The following ZNF804B variants were observed in gnomAD, a reference collection of about 807,000 sequenced individuals.
ZNF804B encodes zinc finger protein 804B, also known as zinc finger 804B.
In ZNF804B, 80 loss-of-function variants were observed where a neutral mutation model predicts 101.4. The ratio of observed to expected loss-of-function variants is 0.79; its 90% CI spans 0.66 to 0.95. ZNF804B has a LOEUF of 0.95. Ranked by LOEUF, ZNF804B falls within the 40% of genes least tolerant of loss-of-function variation. The pLI, the probability that ZNF804B is intolerant of heterozygous loss-of-function variation, is 0.00. For synonymous variants in ZNF804B, 622 were observed against 558.8 expected, an observed-to-expected ratio of 1.11 and a Z score of -1.59; for missense variants, 1,673 against 1,561.9, an observed-to-expected ratio of 1.07 and a Z score of -1.20.
chr7:88,926,587 G>C (rs1026369995), intron 1 of ZNF804B, among the ~76,000 whole-genome samples: 2 of 152,148 alleles, frequency 1.3e-5, no homozygotes, highest in East Asian at 3.9e-4. Context: ...CAGCCTGGGT[G>C]ACAGAGTGAG....
Position 88,898,073 on chromosome 7 carries a change from CTTTTTTTTTTTTTTTTT to C in ZNF804B, c.108+138004_108+138020del, listed in dbSNP as rs869050718. Among the ~76,000 whole-genome samples, 326 of 56,632 alleles carry C rather than the reference CTTTTTTTTTTTTTTTTT, an allele frequency of 5.8e-3. 4 individuals carry two copies. The highest frequency in any genetic ancestry group is 0.027 in the African/African-American group (322 of 11,908). The allele number at this position is 56,632 out of a possible 152,430, so 37.2% of individuals were successfully genotyped here. ...CCTCCTTCCTATATTACTTCTCCAT[CTTTTTTTTTTTTTTTTT>C]TTTTTTTTTTTTTTGAGATAGAGTC... On this transcript the variant is annotated intron_variant, in intron 1 of 3. Coordinates refer to ENST00000333190, the MANE Select transcript of ZNF804B (RefSeq NM_181646.5).
At chr7:88,995,855 A>C (rs929107827) in intron 1 of ZNF804B, among the ~76,000 whole-genome samples, 1 of 152,018 alleles carries the variant, frequency 6.6e-6, no homozygotes, top group African/African-American at 2.4e-5. Flanking sequence ...CCTCCTCCCC[A>C]AACTTTATAA....
In ZNF804B at chr7:89,008,751, T is replaced by A. The variant is rs188919326; in HGVS notation, c.109-209404T>A. Among the ~76,000 whole-genome samples the A allele has an allele frequency of 2.6e-3, 397 of 152,286 alleles. 1 individual carries two copies. The highest frequency in any genetic ancestry group is 9.1e-3 in the African/African-American group (380 of 41,566). On this transcript the variant is annotated intron_variant, in intron 1 of 3. Transcript: ENST00000333190. ...TATTCCCATCTTTCACTCAGAGCACTGCTCATAGAATCCTACCAAAAAGGA... is the reference window on the plus strand; with the variant it reads ...TATTCCCATCTTTCACTCAGAGCACAGCTCATAGAATCCTACCAAAAAGGA...
chr7:89,025,610 C>A (rs908673904), intron 1 of ZNF804B, among the ~76,000 whole-genome samples: 1 of 152,100 alleles, frequency 6.6e-6, no homozygotes, highest in Non-Finnish European at 1.5e-5. Context: ...TCTATATACT[C>A]ACTCTTAGCT....
intron 1 of ZNF804B, among the ~76,000 whole-genome samples, chr7:89,004,120 T>C (rs1788335232): frequency 6.7e-6 from 1 of 149,908 alleles, no homozygotes; most frequent in African/African-American, 2.4e-5. Flanking sequence ...GGGCAAGGAC[T>C]GGTGGACTTG....
chr7:88,948,255 G>C (rs980123903), intron 1 of ZNF804B, among the ~76,000 whole-genome samples: 1 of 149,776 alleles, frequency 6.7e-6, no homozygotes, highest in African/African-American at 2.5e-5. Flanking sequence ...TTGTTCTAGA[G>C]ACAAGGTCGC....
At position 88,779,539 on chromosome 7, in the gene ZNF804B, C is replaced by T. The variant is rs529812524; in HGVS notation, c.108+19455C>T. Among the ~76,000 whole-genome samples the T allele has an allele frequency of 1.1e-4, 17 of 152,296 alleles. No homozygotes were observed. In the South Asian group the frequency reaches 2.7e-3, roughly 24 times the overall value. The stretch of plus-strand genomic sequence containing the variant: ...AAGCACTCACTATATGCCAGACATA[C>T]GGTGCTAAAGTCAGCCTTTCACGTG... On this transcript the variant is annotated intron_variant, in intron 1 of 3. Coordinates refer to ENST00000333190, the MANE Select transcript of ZNF804B (RefSeq NM_181646.5).
At chr7:88,770,184 T>C (rs1790041723) in intron 1 of ZNF804B, among the ~76,000 whole-genome samples, 1 of 152,168 alleles carries the variant, frequency 6.6e-6, no homozygotes, top group South Asian at 2.1e-4. Context: ...AAGATGTTTA[T>C]ATTTGAGTCC....
At chr7:88,890,446 T>G (rs1303306946) in intron 1 of ZNF804B, among the ~76,000 whole-genome samples, 1 of 152,132 alleles carries the variant, frequency 6.6e-6, no homozygotes, top group Non-Finnish European at 1.5e-5. Flanking sequence ...CTTTGTAAAT[T>G]GCCAAAATGT....
chr7:89,075,478 C>A (rs964374727), intron 1 of ZNF804B, among the ~76,000 whole-genome samples: 11 of 152,162 alleles, frequency 7.2e-5, no homozygotes, highest in Non-Finnish European at 8.8e-5. Context: ...GTTGAGCCTG[C>A]AGGTGCACAG....
intron 1 of ZNF804B, among the ~76,000 whole-genome samples, chr7:89,106,975 G>C (rs968976651): frequency 2.6e-5 from 4 of 152,052 alleles, no homozygotes; most frequent in Non-Finnish European, 2.9e-5. Flanking sequence ...TATTTAACAG[G>C]AGTTGTAAAT....
chr7:89,160,244 C>A (rs1055377438), intron 1 of ZNF804B, among the ~76,000 whole-genome samples: 2 of 152,140 alleles, frequency 1.3e-5, no homozygotes, highest in African/African-American at 4.8e-5. Flanking sequence ...TGTTTACACT[C>A]TACATCTGTG....
At chr7:89,007,564 TATA>T (rs1788388189) in intron 1 of ZNF804B, among the ~76,000 whole-genome samples, 1 of 30,146 alleles carries the variant, frequency 3.3e-5, no homozygotes, top group Non-Finnish European at 9.5e-5. Flanking sequence ...ATTTATCTAT[TATA>T]ATTATATATA....
At chr7:88,827,232 A>G (rs577064235) in intron 1 of ZNF804B, among the ~76,000 whole-genome samples, 16 of 152,054 alleles carry the variant, frequency 1.1e-4, no homozygotes, top group South Asian at 6.2e-4. Flanking sequence ...CAGTATACAC[A>G]GTTTTAAAAA....
chr7:88,945,558 G>A (rs369743746), intron 1 of ZNF804B, among the ~76,000 whole-genome samples: 5 of 151,294 alleles, frequency 3.3e-5, no homozygotes, highest in Non-Finnish European at 7.4e-5. Flanking sequence ...GCTGAGGATT[G>A]CCTTGGCTAT....
intron 1 of ZNF804B, among the ~76,000 whole-genome samples, chr7:88,853,357 T>C (rs1281908890): frequency 1.3e-5 from 2 of 152,136 alleles, no homozygotes; most frequent in East Asian, 3.9e-4. Flanking sequence ...ATGTAAAGGA[T>C]TTATTTAGTT....
chr7:89,334,350 A>G lies in ZNF804B; in HGVS notation c.1368A>G (p.Gln456=), dbSNP rs779316591. 3.7e-6 allele frequency: 6 copies of G among 1,613,744 alleles called. No individual in the cohort carries two copies. Among genetic ancestry groups the G allele is most frequent in the Non-Finnish European group, 5.1e-6 (6 of 1,179,870 alleles). ...GCAAGGATGGCCACACCACTCTTCAATGGCCTACGGAACTTCTGCTCTTTA... is the reference window on the plus strand; with the variant it reads ...GCAAGGATGGCCACACCACTCTTCAGTGGCCTACGGAACTTCTGCTCTTTA... The part of the protein sequence containing the change: ...VQSKDGHTTL[Q]WPTELLLFTK... Residue 456 remains glutamine, a synonymous_variant, in exon 4 of 4, where the codon CAA becomes CAG. Coordinates refer to ENST00000333190, the MANE Select transcript of ZNF804B (RefSeq NM_181646.5).
At chr7:88,949,859 G>C (rs1197815207) in intron 1 of ZNF804B, among the ~76,000 whole-genome samples, 1 of 151,910 alleles carries the variant, frequency 6.6e-6, no homozygotes, top group Non-Finnish European at 1.5e-5. Context: ...TGCTGTACAG[G>C]TTTGTAGCCT....
chr7:88,922,608 T>C (rs1410678847), intron 1 of ZNF804B, among the ~76,000 whole-genome samples: 1 of 136,526 alleles, frequency 7.3e-6, no homozygotes, highest in Non-Finnish European at 1.6e-5. Context: ...TAATTACAGA[T>C]ACATATATAT....
Sources: gnomAD v4.1 joint callset for allele counts (sites outside exome capture counted in the v4.1 genomes callset) on GRCh38, gnomAD v4.1.1 for gene constraint, MANE v1.5 for transcripts, NCBI Gene and HGNC (gene_info 2026-07-23, HGNC 2026-07-21) for gene names.